IQSEC3: variants seen among roughly 807,000 people sequenced by gnomAD.
IQSEC3 encodes the protein IQ motif and SEC7 domain-containing protein 3.
A neutral mutation model predicts 105.4 loss-of-function variants in IQSEC3; 50 were observed. That is an observed-to-expected ratio of 0.47 (90% CI 0.38 to 0.60). The LOEUF is 0.60. Among genes scored for constraint, IQSEC3 ranks in the 20% least tolerant of loss-of-function variants. The probability of loss-of-function intolerance (pLI) is 0.00; values close to 1 mark genes in which losing one functional copy is unlikely to be tolerated. For synonymous variants in IQSEC3, 708 were observed against 746.0 expected, an observed-to-expected ratio of 0.95 and a Z score of 0.83; for missense variants, 1,415 against 1,630.0, an observed-to-expected ratio of 0.87 and a Z score of 2.27.
At chr12:162,170 C>A (rs1328965373) in intron 8 of IQSEC3, 105 bp downstream of exon 8, 15 of 1,277,264 alleles carry the variant, frequency 1.2e-5, no homozygotes, top group Middle Eastern at 1.9e-4. Context: ...TTTTCATATT[C>A]ATTCACATGA....
At chr12:146,937 A>G (rs1232246504) in intron 5 of IQSEC3, among the ~76,000 whole-genome samples, 2 of 152,186 alleles carry the variant, frequency 1.3e-5, no homozygotes, top group Non-Finnish European at 2.9e-5. Context: ...CCACAGATAG[A>G]CAAGGGATTC....
intron 1 of IQSEC3, among the ~76,000 whole-genome samples, chr12:91,517 G>A (rs1864085506): frequency 6.6e-6 from 1 of 152,200 alleles, no homozygotes; most frequent in Non-Finnish European, 1.5e-5. Flanking sequence ...GTTCATGCCT[G>A]TAATCCCAGC....
rs1028306813 is a variant in IQSEC3 at position 125,586 on chromosome 12, C to T, written c.624-47C>T. ...CCCCGACCCCCACATCCACACGCAC[C>T]CTGTCGCCCTCTCCCCCAACCGAGC... On this transcript the variant is annotated intron_variant, in intron 2 of 13. Transcript: ENST00000538872. 3.4e-6 allele frequency: 5 copies of T among 1,450,726 alleles called. No homozygotes were observed. The South Asian group carries it at 4.4e-5, about 13-fold the overall frequency. The allele number at this position is 1,450,726 out of a possible 1,614,324, so 89.9% of individuals were successfully genotyped here.
chr12:141,835 C>CA (rs2137007259), intron 5 of IQSEC3: 2 of 152,568 alleles, frequency 1.3e-5, no homozygotes, highest in South Asian at 4.1e-4. Context: ...TCTTTAAAAC[C>CA]AAAGAAAATG....
intron 2 of IQSEC3, 93 bp downstream of exon 2, chr12:99,307 C>T: frequency 8.9e-7 from 1 of 1,120,632 alleles, no homozygotes; most frequent in Non-Finnish European, 1.3e-6. Flanking sequence ...TGGGCCTCCT[C>T]CTCTTGAGTC....
At chr12:164,504 C>A (rs1301760982) in intron 9 of IQSEC3, among the ~76,000 whole-genome samples, 3 of 152,212 alleles carry the variant, frequency 2.0e-5, no homozygotes, top group African/African-American at 4.8e-5. Flanking sequence ...TTGCAAAGCT[C>A]CTCCAGACCT....
In IQSEC3 at chr12:84,382, G is replaced by T. The variant is rs78554084; in HGVS notation, c.555-14764G>T. ...TATGGTCAGGAGGGTTCACATAGTGGACAAAACATCCTTGTTCTCAGCTCT... is the reference window on the plus strand; with the variant it reads ...TATGGTCAGGAGGGTTCACATAGTGTACAAAACATCCTTGTTCTCAGCTCT... On this transcript the variant is annotated intron_variant, in intron 1 of 13. Transcript: ENST00000538872. 8.5e-3 allele frequency among the ~76,000 whole-genome samples: 1,289 copies of T among 152,340 alleles called. 15 individuals are homozygous for T. Among genetic ancestry groups the T allele is most frequent in the African/African-American group, 0.025 (1,047 of 41,580 alleles).
rs1294190813 is a variant in IQSEC3, at chr12:175,975, G to C, written c.*942G>C. ...GAGATGGGGCTCAGCCCGAGGCAGG[G>C]CTCCCTCCTGCATGAGGCTCGGCCC... On this transcript the variant is annotated 3_prime_UTR_variant, in exon 14 of 14. Coordinates refer to ENST00000538872, the MANE Select transcript of IQSEC3 (RefSeq NM_001170738.2). The C allele has an allele frequency of 7.0e-6, 1 of 142,124 alleles. No homozygotes were observed. Among genetic ancestry groups the C allele is most frequent in the African/African-American group, 3.1e-5 (1 of 31,928 alleles). The allele number at this position is 142,124 out of a possible 1,614,324, so 8.8% of individuals were successfully genotyped here.
intron 1 of IQSEC3, among the ~76,000 whole-genome samples, chr12:88,776 C>T (rs1250354155): frequency 6.6e-6 from 1 of 152,158 alleles, no homozygotes; most frequent in Non-Finnish European, 1.5e-5. Context: ...CTCCACAGCC[C>T]CCAGGCCTGC....
At chr12:153,425 G>T (rs1190726859) in intron 5 of IQSEC3, among the ~76,000 whole-genome samples, 1 of 152,150 alleles carries the variant, frequency 6.6e-6, no homozygotes, top group Non-Finnish European at 1.5e-5. Flanking sequence ...GTGCCTCCGG[G>T]TGCCAGTCCT....
chr12:141,286 G>T lies in IQSEC3; in HGVS notation c.2153+1G>T. 1 of 1,612,852 alleles carries T rather than the reference G, an allele frequency of 6.2e-7. No homozygotes were observed. Among genetic ancestry groups the T allele is most frequent in the South Asian group, 1.1e-5 (1 of 91,016 alleles). On this transcript the variant is annotated splice_donor_variant, in intron 5 of 13. Coordinates refer to ENST00000538872, the MANE Select transcript of IQSEC3 (RefSeq NM_001170738.2). LOFTEE classifies it high-confidence loss of function. ...AGCAGTTCAACCGCGACGTGCTGGA[G>T]TGAGTACCCCACACTCCGGGCTTTC...
Position 84,429 on chromosome 12 carries a change from C to A in IQSEC3, c.555-14717C>A, listed in dbSNP as rs142020157. On this transcript the variant is annotated intron_variant, in intron 1 of 13. Transcript: ENST00000538872. ...CTCTGCATGTGTGCGTGTATGCCTG[C>A]ACATGTGTGCACGGGCAGGGTTGTA... 9.3e-4 allele frequency among the ~76,000 whole-genome samples: 142 copies of A among 152,346 alleles called. 1 individual carries two copies. The highest frequency in any genetic ancestry group is 3.3e-3 in the African/African-American group (136 of 41,576).
chr12:96,662 G>GT (rs1447528748), intron 1 of IQSEC3, among the ~76,000 whole-genome samples: 5 of 152,162 alleles, frequency 3.3e-5, no homozygotes, highest in Admixed American at 2.0e-4. Flanking sequence ...CAAAGAGTCT[G>GT]TTTTTTCAGT....
chr12:163,466 T>C (rs781830425), intron 8 of IQSEC3, 28 bp from the exon 9 acceptor site: 1 of 1,578,614 alleles, frequency 6.3e-7, no homozygotes, highest in South Asian at 1.1e-5. Flanking sequence ...CTCTGGTCTC[T>C]CCCGCTGAGC....
At position 168,995 on chromosome 12, in the gene IQSEC3, G is replaced by T. The variant is rs782704787; in HGVS notation, c.2972-18G>T. 1.2e-6 allele frequency: 2 copies of T among 1,609,384 alleles called. No homozygotes were observed. Among genetic ancestry groups the T allele is most frequent in the African/African-American group, 2.7e-5 (2 of 74,896 alleles). On this transcript the variant is annotated intron_variant, in intron 11 of 13. Transcript: ENST00000538872. Reference sequence around the variant, plus strand: ...GAGGTTAAGGTTTCTCTTGCTCACGGGCCTCTGCATTCCTTAGGGGAGCTG... The same window carrying T: ...GAGGTTAAGGTTTCTCTTGCTCACGTGCCTCTGCATTCCTTAGGGGAGCTG...
intron 5 of IQSEC3, among the ~76,000 whole-genome samples, chr12:151,659 G>A (rs1591729493): frequency 6.6e-6 from 1 of 152,132 alleles, no homozygotes; most frequent in Non-Finnish European, 1.5e-5. Flanking sequence ...GTGCATTCAG[G>A]ATAAACTCCC....
intron 1 of IQSEC3, among the ~76,000 whole-genome samples, chr12:86,203 G>C (rs1555072062): frequency 6.6e-6 from 1 of 152,222 alleles, no homozygotes; most frequent in Admixed American, 6.5e-5. Flanking sequence ...AGGTGGGGCA[G>C]AGGCCAGCAG....
chr12:173,678 G>C (rs1283492438), intron 13 of IQSEC3, among the ~76,000 whole-genome samples: 6 of 152,208 alleles, frequency 3.9e-5, no homozygotes, highest in African/African-American at 1.4e-4. Flanking sequence ...GGTTTGGAGG[G>C]GGTTGGGTGG....
rs560279938 is a variant in IQSEC3 at position 171,143 on chromosome 12, G to A, written c.3096G>A (p.Pro1032=). The A allele has an allele frequency of 1.3e-4, 215 of 1,613,810 alleles. No individual in the cohort carries two copies. In the South Asian group the frequency reaches 2.0e-3, roughly 15 times the overall value. Residue 1032 remains proline, a synonymous_variant, in exon 13 of 14, where the codon CCG becomes CCA. Transcript: ENST00000538872. Reference sequence around the variant, plus strand: ...GGGAAGCCGCGCTCAGGGAGAGGCCGGCGGAGAGCACGGTGGAGGTAAGTG... The same window carrying A: ...GGGAAGCCGCGCTCAGGGAGAGGCCAGCGGAGAGCACGGTGGAGGTAAGTG... ...AKREAALRER[P]AESTVEVSIH... is the part of the protein sequence containing the mutation.
Sources: gnomAD v4.1 joint callset for allele counts (sites outside exome capture counted in the v4.1 genomes callset) on GRCh38, gnomAD v4.1.1 for gene constraint, MANE v1.5 for transcripts, NCBI Gene and HGNC (gene_info 2026-07-23, HGNC 2026-07-21) for gene names.